FGF9: variants seen among roughly 807,000 people sequenced by gnomAD.
The protein encoded by FGF9 is fibroblast growth factor 9 (glia-activating factor).
A neutral mutation model predicts 19.9 loss-of-function variants in FGF9; 3 were observed. The observed-to-expected ratio is 0.15, with a 90% confidence interval of 0.07 to 0.39. FGF9 has a LOEUF of 0.39. FGF9 is among the 10% of genes least tolerant of loss of function. FGF9 has a pLI of 1.00. For synonymous variants in FGF9, 107 were observed against 106.9 expected, an observed-to-expected ratio of 1.00 and a Z score of -0.01; for missense variants, 175 against 256.8, an observed-to-expected ratio of 0.68 and a Z score of 2.18.
intron 2 of FGF9, among the ~76,000 whole-genome samples, chr13:21,696,407 T>C (rs996746910): frequency 2.6e-5 from 4 of 152,156 alleles, no homozygotes; most frequent in Non-Finnish European, 5.9e-5. Flanking sequence ...CCTAGTGATA[T>C]AATCCAACAG....
chr13:21,694,067 A>C (rs1211090249), intron 2 of FGF9, among the ~76,000 whole-genome samples: 1 of 152,084 alleles, frequency 6.6e-6, no homozygotes, highest in Non-Finnish European at 1.5e-5. Flanking sequence ...AATCACTAGA[A>C]TCTTAGGCTT....
intron 2 of FGF9, among the ~76,000 whole-genome samples, chr13:21,688,449 G>A (rs867421007): frequency 4.6e-5 from 7 of 152,172 alleles, no homozygotes; most frequent in African/African-American, 1.2e-4. Flanking sequence ...ATTCTTAGAC[G>A]ATATGGAGGG....
intron 2 of FGF9, among the ~76,000 whole-genome samples, chr13:21,690,929 T>C (rs1872276252): frequency 6.6e-6 from 1 of 152,236 alleles, no homozygotes; most frequent in Non-Finnish European, 1.5e-5. Flanking sequence ...AATATGTGTG[T>C]TAGAGAAGCC....
chr13:21,685,794 A>G (rs1338417999), intron 2 of FGF9, among the ~76,000 whole-genome samples: 1 of 152,198 alleles, frequency 6.6e-6, no homozygotes, highest in Non-Finnish European at 1.5e-5. Context: ...GTTGAGCGGT[A>G]GCATTTAAAA....
chr13:21,683,645 G>A (rs1872092896), intron 2 of FGF9, among the ~76,000 whole-genome samples: 1 of 152,196 alleles, frequency 6.6e-6, no homozygotes, highest in Non-Finnish European at 1.5e-5. Flanking sequence ...TCTTCCGTGT[G>A]TGCTTGAGAA....
intron 2 of FGF9, among the ~76,000 whole-genome samples, chr13:21,687,417 C>T (rs928810273): frequency 1.3e-5 from 2 of 152,174 alleles, no homozygotes; most frequent in African/African-American, 4.8e-5. Flanking sequence ...GATATAAATT[C>T]CTTATACTTC....
chr13:21,704,326 C>T lies in FGF9; in HGVS notation c.*2891C>T, dbSNP rs1032887773. The T allele has an allele frequency of 6.6e-6, 1 of 152,100 alleles. No individual in the cohort carries two copies. Among genetic ancestry groups the T allele is most frequent in the African/African-American group, 2.4e-5 (1 of 41,420 alleles). 9.4% of individuals were successfully genotyped at this position (152,100 alleles called of 1,614,324 possible). A position where few individuals can be genotyped will look rare whatever the true frequency, so the allele number is the denominator to read the frequency against. On this transcript the variant is annotated 3_prime_UTR_variant, in exon 3 of 3. Coordinates refer to ENST00000382353, the MANE Select transcript of FGF9 (RefSeq NM_002010.3). ...GCTAGGTCAGTGTTGGGGAACCTGC[C>T]CTGCCAGGTCCTGTTTTGTAGATAA...
intron 2 of FGF9, among the ~76,000 whole-genome samples, chr13:21,684,187 T>C (rs1439675599): frequency 1.3e-5 from 2 of 152,228 alleles, no homozygotes; most frequent in Non-Finnish European, 2.9e-5. Context: ...CTAATCCTAT[T>C]TATTCTAGTT....
chr13:21,674,179 A>G (rs913983680), intron 1 of FGF9: 31 of 153,108 alleles, frequency 2.0e-4, no homozygotes, highest in African/African-American at 7.0e-4. Flanking sequence ...CAGCGGCAGG[A>G]GAGTTGGTGG....
chr13:21,671,308 T>A lies in FGF9; in HGVS notation c.-605T>A. On this transcript the variant is annotated 5_prime_UTR_variant, in exon 1 of 3. Transcript: ENST00000382353. Reference sequence around the variant, plus strand: ...CCTAAAGTTTCTTCTTCTTTTTGTTTTATTATTATTATCATTTTTTGGAGG... The same window carrying A: ...CCTAAAGTTTCTTCTTCTTTTTGTTATATTATTATTATCATTTTTTGGAGG... 2.8e-6 allele frequency: 1 copy of A among 360,194 alleles called. No homozygotes were observed. The highest frequency in any genetic ancestry group is 4.9e-6 in the Non-Finnish European group (1 of 203,384). The allele number at this position is 360,194 out of a possible 1,614,324, so 22.3% of individuals were successfully genotyped here.
rs141117021 is a variant in FGF9 at position 21,697,431 on chromosome 13, G to A, written c.382-3759G>A. ...CAAAGTGCTGGGGTTACAGGCATAA[G>A]CTGCTGTGCCTGGCCAATGATACTG... On this transcript the variant is annotated intron_variant, in intron 2 of 2. Transcript: ENST00000382353. Among the ~76,000 whole-genome samples, 307 of 152,286 alleles carry A rather than the reference G, an allele frequency of 2.0e-3. 2 individuals are homozygous for A. The highest frequency in any genetic ancestry group is 7.1e-3 in the African/African-American group (293 of 41,556).
rs933967044 is a variant in FGF9, at chr13:21,701,171, C to T, written c.382-19C>T. The T allele has an allele frequency of 1.2e-6, 2 of 1,610,030 alleles. No individual in the cohort carries two copies. The highest frequency in any genetic ancestry group is 2.2e-5 in the East Asian group (1 of 44,828). ...ATTAGCTATTTTTCCTAATGCTCTC[C>T]CTCTTTTTCTTTTTACAGGAAAAAC... On this transcript the variant is annotated intron_variant, in intron 2 of 2. Transcript: ENST00000382353.
intron 2 of FGF9, among the ~76,000 whole-genome samples, chr13:21,698,259 C>T (rs538761546): frequency 3.3e-5 from 5 of 152,292 alleles, no homozygotes; most frequent in African/African-American, 7.2e-5. Context: ...ACAGACCAGG[C>T]GCAAATTGCT....
intron 2 of FGF9, among the ~76,000 whole-genome samples, chr13:21,686,201 G>A (rs939482533): frequency 3.3e-5 from 5 of 152,130 alleles, no homozygotes; most frequent in African/African-American, 1.2e-4. Context: ...GCTAATTTTT[G>A]TGTTTTTAGT....
chr13:21,680,611 T>C (rs1369337412), intron 1 of FGF9, among the ~76,000 whole-genome samples: 1 of 152,216 alleles, frequency 6.6e-6, no homozygotes, highest in Admixed American at 6.5e-5. Context: ...TAGCGAATGG[T>C]CTTATGTCTC....
chr13:21,671,987 G>C lies in FGF9; in HGVS notation c.75G>C (p.Leu25Phe), dbSNP rs1277842781. 6.2e-7 allele frequency: 1 copy of C among 1,614,236 alleles called. No individual in the cohort carries two copies. Among genetic ancestry groups the C allele is most frequent in the South Asian group, 1.1e-5 (1 of 91,090 alleles). The change falls in exon 1 of 3, where the codon TTG (leucine) becomes TTC (phenylalanine). Residue 25 changes from leucine (L) to phenylalanine (F), a missense_variant. By Grantham distance (22) the Leu-to-Phe change is conservative. Around this residue, in one of 3 missense-constraint regions of FGF9, gnomAD observed 69 missense variants for 73.6 expected, o/e 0.94. Transcript: ENST00000382353. Reference sequence around the variant, plus strand: ...TACCGTTTGGGAATGTGCCCGTGTTGCCGGTGGACAGCCCGGTTTTGTTAA... The same window carrying C: ...TACCGTTTGGGAATGTGCCCGTGTTCCCGGTGGACAGCCCGGTTTTGTTAA... ...DAVPFGNVPV[L>F]PVDSPVLLSD... is the part of the protein sequence containing the mutation.
intron 2 of FGF9, among the ~76,000 whole-genome samples, chr13:21,699,638 C>T (rs1041334977): frequency 6.6e-6 from 1 of 152,172 alleles, no homozygotes; most frequent in Non-Finnish European, 1.5e-5. Context: ...ATGGATTCTA[C>T]CCAACTGATA....
chr13:21,689,922 C>T (rs540882422), intron 2 of FGF9, among the ~76,000 whole-genome samples: 4 of 152,336 alleles, frequency 2.6e-5, no homozygotes, highest in Admixed American at 2.6e-4. Flanking sequence ...ACCTCCTGGC[C>T]TCCTAAATCC....
At position 21,671,706 on chromosome 13, in the gene FGF9, A is replaced by G. The variant is rs963990947; in HGVS notation, c.-207A>G. On this transcript the variant is annotated 5_prime_UTR_variant, in exon 1 of 3. Transcript: ENST00000382353. ...GTATAAAGTGGTGGTTTCTTAGACT[A>G]TCAGTGGTTTGACCTTGAACCTGTG... The G allele has an allele frequency of 2.1e-5, 13 of 625,218 alleles. No individual in the cohort carries two copies. Among genetic ancestry groups the G allele is most frequent in the South Asian group, 9.7e-5 (5 of 51,774 alleles). 38.7% of individuals were successfully genotyped at this position (625,218 alleles called of 1,614,324 possible).
Sources: gnomAD v4.1 joint callset for allele counts (sites outside exome capture counted in the v4.1 genomes callset) on GRCh38, gnomAD v4.1.1 for gene constraint, gnomAD v4.1.1 regional missense constraint, MANE v1.5 for transcripts, NCBI Gene and HGNC (gene_info 2026-07-23, HGNC 2026-07-21) for gene names.